The following LURAP1L variants were observed in gnomAD, a reference collection of about 807,000 sequenced individuals.
LURAP1L encodes leucine rich adaptor protein 1-like.
In LURAP1L, 12 loss-of-function variants were observed where a neutral mutation model predicts 13.8. That is an observed-to-expected ratio of 0.87 (90% CI 0.56 to 1.41). The LOEUF (loss-of-function observed/expected upper bound fraction) is 1.41. LURAP1L is among the 40% of genes most tolerant of loss of function. The probability of loss-of-function intolerance (pLI) is 0.00; values close to 1 mark genes in which losing one functional copy is unlikely to be tolerated. For missense variants in LURAP1L, 375 were observed against 292.9 expected (o/e 1.28, Z -2.04); for synonymous variants, 139 against 119.2 (o/e 1.17, Z -1.08).
intron 1 of LURAP1L, among the ~76,000 whole-genome samples, chr9:12,806,201 CTTAT>C (rs1046469912): frequency 1.3e-5 from 2 of 152,038 alleles, no homozygotes; most frequent in Non-Finnish European, 2.9e-5. Context: ...ATTGATTTAG[CTTAT>C]TTAATGAGAG....
At chr9:12,819,666 T>G (rs528925254) in intron 1 of LURAP1L, among the ~76,000 whole-genome samples, 1 of 152,100 alleles carries the variant, frequency 6.6e-6, no homozygotes. Flanking sequence ...TTTTAAACCA[T>G]AGAGAAGGCC....
intron 1 of LURAP1L, among the ~76,000 whole-genome samples, chr9:12,793,755 C>G (rs1356583102): frequency 6.6e-6 from 1 of 152,026 alleles, no homozygotes; most frequent in Admixed American, 6.6e-5. Flanking sequence ...AAAGAAATCT[C>G]TTTATTGAAC....
chr9:12,785,571 G>A (rs1263113336), intron 1 of LURAP1L, among the ~76,000 whole-genome samples: 1 of 152,150 alleles, frequency 6.6e-6, no homozygotes, highest in Non-Finnish European at 1.5e-5. Context: ...CTCTAGCTAG[G>A]TCCAATCTGA....
At chr9:12,797,479 T>C (rs1819525192) in intron 1 of LURAP1L, among the ~76,000 whole-genome samples, 1 of 152,132 alleles carries the variant, frequency 6.6e-6, no homozygotes, top group African/African-American at 2.4e-5. Context: ...AACAGACCTT[T>C]TTACAACTTT....
At chr9:12,814,518 AG>A (rs1234036973) in intron 1 of LURAP1L, among the ~76,000 whole-genome samples, 2 of 152,216 alleles carry the variant, frequency 1.3e-5, no homozygotes, top group Non-Finnish European at 2.9e-5. Context: ...TTGACATCAC[AG>A]GCATCTAAGT....
chr9:12,811,634 G>C (rs1819737486), intron 1 of LURAP1L, among the ~76,000 whole-genome samples: 1 of 152,156 alleles, frequency 6.6e-6, no homozygotes, highest in Non-Finnish European at 1.5e-5. Context: ...GCCACAGACA[G>C]TGATTCAGCG....
intron 1 of LURAP1L, among the ~76,000 whole-genome samples, chr9:12,786,777 G>C (rs1819362331): frequency 6.6e-6 from 1 of 151,426 alleles, no homozygotes; most frequent in South Asian, 2.1e-4. Context: ...ATGAAAGAGT[G>C]ATGTGTAAAA....
intron 1 of LURAP1L, among the ~76,000 whole-genome samples, chr9:12,781,163 G>A (rs894745599): frequency 6.6e-6 from 1 of 152,042 alleles, no homozygotes; most frequent in African/African-American, 2.4e-5. Flanking sequence ...TAGAGATGGG[G>A]TTTCTCCACG....
intron 1 of LURAP1L, among the ~76,000 whole-genome samples, chr9:12,816,633 G>A (rs973646539): frequency 2.6e-5 from 4 of 152,170 alleles, no homozygotes; most frequent in Non-Finnish European, 5.9e-5. Flanking sequence ...AAAGTTTGCT[G>A]TTAAGAATAT....
At chr9:12,798,761 TA>T (rs938765578) in intron 1 of LURAP1L, among the ~76,000 whole-genome samples, 7 of 152,194 alleles carry the variant, frequency 4.6e-5, no homozygotes, top group African/African-American at 1.2e-4. Flanking sequence ...AAATCAGAAA[TA>T]TTTTTTTGAA....
intron 1 of LURAP1L, among the ~76,000 whole-genome samples, chr9:12,812,761 G>A (rs1819755033): frequency 6.6e-6 from 1 of 152,092 alleles, no homozygotes; most frequent in African/African-American, 2.4e-5. Context: ...GAACAACTCT[G>A]CATTATAAAG....
At chr9:12,777,216 A>C in intron 1 of LURAP1L, 4 of 985,022 alleles carry the variant, frequency 4.1e-6, no homozygotes, top group Non-Finnish European at 4.8e-6. Flanking sequence ...CAAAAATTTA[A>C]GGACAACCCT....
chr9:12,785,997 T>A (rs546832670), intron 1 of LURAP1L, among the ~76,000 whole-genome samples: 1 of 152,344 alleles, frequency 6.6e-6, no homozygotes, highest in East Asian at 1.9e-4. Flanking sequence ...ATTTGCATTT[T>A]ATATACAGAC....
chr9:12,806,604 T>C (rs1042172542), intron 1 of LURAP1L, among the ~76,000 whole-genome samples: 5 of 152,172 alleles, frequency 3.3e-5, no homozygotes, highest in Non-Finnish European at 7.4e-5. Flanking sequence ...TTTTCAAATG[T>C]TGGATAATTG....
intron 1 of LURAP1L, among the ~76,000 whole-genome samples, chr9:12,784,988 T>A (rs1481985814): frequency 6.6e-6 from 1 of 151,946 alleles, no homozygotes; most frequent in African/African-American, 2.4e-5. Context: ...TTTCTCCTCA[T>A]GGCCACCACT....
At chr9:12,794,860 T>C (rs1295147164) in intron 1 of LURAP1L, among the ~76,000 whole-genome samples, 1 of 151,712 alleles carries the variant, frequency 6.6e-6, no homozygotes, top group Non-Finnish European at 1.5e-5. Flanking sequence ...TATATTCAAT[T>C]CTTGTGATAA....
chr9:12,777,323 T>G (rs1819201310), intron 1 of LURAP1L: 1 of 985,330 alleles, frequency 1.0e-6, no homozygotes, highest in South Asian at 4.7e-5. Flanking sequence ...AACCAACAGG[T>G]CAGGGGATGC....
chr9:12,810,011 C>T (rs1186607931), intron 1 of LURAP1L, among the ~76,000 whole-genome samples: 1 of 152,120 alleles, frequency 6.6e-6, no homozygotes, highest in Admixed American at 6.5e-5. Context: ...AGTCTTTTAG[C>T]GAGCCTGAGT....
chr9:12,818,224 C>A (rs949230557), intron 1 of LURAP1L, among the ~76,000 whole-genome samples: 1 of 151,466 alleles, frequency 6.6e-6, no homozygotes, highest in African/African-American at 2.4e-5. Flanking sequence ...CTCTTTTCTT[C>A]TTACTGCTTA....
Sources: allele counts gnomAD v4.1 joint callset (sites outside exome capture counted in the v4.1 genomes callset), GRCh38; gene constraint gnomAD v4.1.1; transcripts MANE v1.5; gene names NCBI Gene and HGNC (gene_info 2026-07-23, HGNC 2026-07-21).